The following ETV6 variants were observed in gnomAD, a reference collection of about 807,000 sequenced individuals.
ETV6 encodes ETS variant transcription factor 6, also known as transcription factor ETV6.
A neutral mutation model predicts 51.1 loss-of-function variants in ETV6; 16 were observed. The ratio of observed to expected loss-of-function variants is 0.31; its 90% CI spans 0.21 to 0.48. ETV6 has a LOEUF of 0.48. ETV6 is among the 20% of genes least tolerant of loss of function. The pLI is 0.99. For synonymous variants in ETV6, 240 were observed against 224.1 expected (o/e 1.07, Z -0.64); for missense variants, 458 against 594.8 (o/e 0.77, Z 2.39).
intron 1 of ETV6, among the ~76,000 whole-genome samples, chr12:11,699,406 A>T (rs550372505): frequency 6.6e-6 from 1 of 152,324 alleles, no homozygotes; most frequent in African/African-American, 2.4e-5. Context: ...AACACGAATC[A>T]TCTGGAAAAG....
intron 1 of ETV6, among the ~76,000 whole-genome samples, chr12:11,672,681 G>T (rs183624964): frequency 6.6e-6 from 1 of 152,082 alleles, no homozygotes; most frequent in Non-Finnish European, 1.5e-5. Flanking sequence ...CATAACAGAC[G>T]GCCACCTTAC....
intron 1 of ETV6, among the ~76,000 whole-genome samples, chr12:11,725,568 A>G (rs1865472889): frequency 6.6e-6 from 1 of 152,056 alleles, no homozygotes; most frequent in South Asian, 2.1e-4. Context: ...ATTACTTCAG[A>G]TGTTGCTGCT....
At chr12:11,682,556 C>T (rs533465862) in intron 1 of ETV6, among the ~76,000 whole-genome samples, 1 of 152,126 alleles carries the variant, frequency 6.6e-6, no homozygotes, top group Non-Finnish European at 1.5e-5. Context: ...TGAGCAGAAG[C>T]TCTTTAGTTT....
chr12:11,656,082 A>G (rs1423367167), intron 1 of ETV6, among the ~76,000 whole-genome samples: 1 of 152,056 alleles, frequency 6.6e-6, no homozygotes, highest in Non-Finnish European at 1.5e-5. Flanking sequence ...CATCACCGGC[A>G]TCATTTATTG....
chr12:11,818,529 C>CT (rs1284173230), intron 2 of ETV6, among the ~76,000 whole-genome samples: 1 of 121,296 alleles, frequency 8.2e-6, no homozygotes, highest in Non-Finnish European at 1.7e-5. Flanking sequence ...GAGACTCTGT[C>CT]TCAAAAAAAA....
intron 2 of ETV6, among the ~76,000 whole-genome samples, chr12:11,827,749 A>C (rs1946180035): frequency 2.0e-5 from 3 of 152,174 alleles, no homozygotes; most frequent in Admixed American, 2.0e-4. Context: ...CCCAGTTCAG[A>C]ATGAGAATGA....
intron 5 of ETV6, 125 bp from the exon 6 acceptor site, chr12:11,884,320 T>G (rs1947154334): frequency 9.5e-7 from 1 of 1,049,154 alleles, no homozygotes; most frequent in African/African-American, 1.6e-5. Context: ...AACAAGGAAG[T>G]TAGTTAGACA....
intron 2 of ETV6, among the ~76,000 whole-genome samples, chr12:11,773,938 A>C (rs187288321): frequency 3.2e-4 from 48 of 152,350 alleles, no homozygotes; most frequent in African/African-American, 1.1e-3. Context: ...GCTGGCTGGC[A>C]TCTGCCCTCC....
intron 1 of ETV6, among the ~76,000 whole-genome samples, chr12:11,652,350 A>G (rs2120596752): frequency 6.6e-6 from 1 of 152,338 alleles, no homozygotes; most frequent in Admixed American, 6.5e-5. Flanking sequence ...ATTCCAGGTC[A>G]TCTGAAATGT....
chr12:11,687,901 C>T (rs1459691163), intron 1 of ETV6, among the ~76,000 whole-genome samples: 1 of 152,234 alleles, frequency 6.6e-6, no homozygotes, highest in African/African-American at 2.4e-5. Context: ...ATGGTAGCAA[C>T]AGCAGCCAGC....
At chr12:11,886,930 G>A (rs559738952) in intron 7 of ETV6, among the ~76,000 whole-genome samples, 59 of 152,314 alleles carry the variant, frequency 3.9e-4, no homozygotes, top group African/African-American at 1.3e-3. Context: ...AGTGGCAGAT[G>A]GGGCTAGAGA....
intron 3 of ETV6, among the ~76,000 whole-genome samples, chr12:11,844,096 C>G (rs1353880227): frequency 6.6e-6 from 1 of 151,816 alleles, no homozygotes; most frequent in African/African-American, 2.4e-5. Context: ...CTTTGAGACT[C>G]TGAGAAAACA....
chr12:11,649,954 G>GCCGCCCCGCC lies in ETV6; in HGVS notation c.-164_-155dup. ...CCGCCCCGCGCGCCCAACTCCGCCG[G>GCCGCCCCGCC]CCGCCCCGCCCCGCCCCGCGCGCTC... On this transcript the variant is annotated 5_prime_UTR_variant, in exon 1 of 8. The change creates a premature stop within an existing upstream ORF in the 5' untranslated region. Transcript: ENST00000396373. The GCCGCCCCGCC allele has an allele frequency of 5.0e-6, 2 of 401,580 alleles. No homozygotes were observed. Among genetic ancestry groups the GCCGCCCCGCC allele is most frequent in the Non-Finnish European group, 4.3e-6 (1 of 231,770 alleles). 24.9% of individuals were successfully genotyped at this position (401,580 alleles called of 1,614,324 possible). A position where few individuals can be genotyped will look rare whatever the true frequency, so the allele number is the denominator to read the frequency against.
chr12:11,889,756 G>A (rs373256683), intron 7 of ETV6, among the ~76,000 whole-genome samples: 12 of 152,208 alleles, frequency 7.9e-5, no homozygotes, highest in African/African-American at 2.4e-4. Context: ...AGAAAGACCC[G>A]ATGAGCAGAG....
In ETV6 at chr12:11,891,051, AC is replaced by A; in HGVS notation, c.*7del. On this transcript the variant is annotated 3_prime_UTR_variant, in exon 8 of 8. Transcript: ENST00000396373. ...TACCAAGAAGATGAATGCTGAAGGA[AC>A]CAACAGTCCACCTCAGCGGGCCAGC... is the stretch of plus-strand genomic sequence containing the variant. The A allele has an allele frequency of 6.2e-7, 1 of 1,607,706 alleles. No homozygotes were observed. Among genetic ancestry groups the A allele is most frequent in the East Asian group, 2.2e-5 (1 of 44,830 alleles).
At chr12:11,685,676 AGAT>A (rs1864616149) in intron 1 of ETV6, among the ~76,000 whole-genome samples, 1 of 152,234 alleles carries the variant, frequency 6.6e-6, no homozygotes, top group Non-Finnish European at 1.5e-5. Flanking sequence ...TGCATAGAGA[AGAT>A]GATCTCGATC....
intron 4 of ETV6, among the ~76,000 whole-genome samples, chr12:11,866,758 T>C (rs548232191): frequency 4.3e-4 from 65 of 152,356 alleles, no homozygotes; most frequent in Non-Finnish European, 7.8e-4. Context: ...CTTAGATCTT[T>C]TGATTATACA....
chr12:11,875,816 A>C (rs1946973973), intron 5 of ETV6, among the ~76,000 whole-genome samples: 1 of 152,222 alleles, frequency 6.6e-6, no homozygotes, highest in Non-Finnish European at 1.5e-5. Flanking sequence ...TTTTAAATCA[A>C]GTTTTCCTGG....
intron 1 of ETV6, among the ~76,000 whole-genome samples, chr12:11,661,594 G>T (rs182231552): frequency 6.0e-4 from 91 of 152,346 alleles, no homozygotes; most frequent in Admixed American, 1.4e-3. Flanking sequence ...AGACCTGAAT[G>T]ACCTGATTTG....
Sources: allele counts gnomAD v4.1 joint callset (sites outside exome capture counted in the v4.1 genomes callset), GRCh38; gene constraint gnomAD v4.1.1; transcripts MANE v1.5; gene names NCBI Gene and HGNC (gene_info 2026-07-23, HGNC 2026-07-21).